DEPDC5: variants seen among roughly 807,000 people sequenced by gnomAD.
DEPDC5 encodes DEP domain containing 5, GATOR1 subcomplex subunit.
Under a neutral mutation model 217.3 loss-of-function variants are expected in DEPDC5, and 73 were observed. That is an observed-to-expected ratio of 0.34 (90% confidence interval 0.28 to 0.41). The LOEUF is 0.41. DEPDC5 is among the 10% of genes least tolerant of loss of function. The pLI, the probability that DEPDC5 is intolerant of heterozygous loss-of-function variation, is 1.00. For synonymous variants in DEPDC5, 733 were observed against 756.7 expected (o/e 0.97, Z 0.51); for missense variants, 1,675 against 2,070.1 (o/e 0.81, Z 3.70).
chr22:31,846,598 C>A (rs2149035952), intron 30 of DEPDC5, among the ~76,000 whole-genome samples: 1 of 152,270 alleles, frequency 6.6e-6, no homozygotes, highest in East Asian at 1.9e-4. Flanking sequence ...CATCATAGAT[C>A]TGTGGTGAGG....
intron 21 of DEPDC5, chr22:31,815,574 G>A (rs909192420): frequency 1.6e-6 from 1 of 616,684 alleles, no homozygotes; most frequent in Non-Finnish European, 2.8e-6. Context: ...TTGTAGAGGT[G>A]GGGAAGTGCA....
At chr22:31,785,709 C>T (rs1201012559) in intron 10 of DEPDC5, among the ~76,000 whole-genome samples, 1 of 151,592 alleles carries the variant, frequency 6.6e-6, no homozygotes, top group African/African-American at 2.4e-5. Flanking sequence ...TCAAAACTTA[C>T]TAAAACCCTC....
At position 31,804,238 on chromosome 22, in the gene DEPDC5, G is replaced by T. The variant is rs759365607; in HGVS notation, c.1143+15G>T. 2 of 1,613,992 alleles carry T rather than the reference G, an allele frequency of 1.2e-6. No homozygotes were observed. The highest frequency in any genetic ancestry group is 1.7e-6 in the Non-Finnish European group (2 of 1,179,934). ...CATTGTTCAAGGTAATTAGATTTCG[G>T]ATTTGTTTACTAAAGGCCAGTTGGA... On this transcript the variant is annotated intron_variant, in intron 16 of 42. Coordinates refer to ENST00000651528, the MANE Select transcript of DEPDC5 (RefSeq NM_001242896.3).
intron 34 of DEPDC5, 86 bp from the exon 35 acceptor site, chr22:31,873,169 T>A: frequency 1.2e-6 from 2 of 1,607,190 alleles, no homozygotes; most frequent in African/African-American, 1.3e-5. Flanking sequence ...TCTGGCTCCA[T>A]AGGAAGTGGA....
chr22:31,820,962 C>T lies in DEPDC5; in HGVS notation c.1871-540C>T, dbSNP rs77468189. 3.3e-3 allele frequency among the ~76,000 whole-genome samples: 510 copies of T among 152,294 alleles called. 2 individuals carry two copies. The highest frequency in any genetic ancestry group is 0.012 in the African/African-American group (496 of 41,562). On this transcript the variant is annotated intron_variant, in intron 22 of 42. Transcript: ENST00000651528. ...AGGTATCATTTCATCTACCCAGATG[C>T]CCTCTTCCTTCAATCGCTGTTAACT...
intron 14 of DEPDC5, among the ~76,000 whole-genome samples, chr22:31,799,880 G>C (rs1195570832): frequency 7.7e-6 from 1 of 130,262 alleles, no homozygotes; most frequent in Non-Finnish European, 1.5e-5. Flanking sequence ...TGATCTCCCT[G>C]CTCAGTGCAA....
intron 36 of DEPDC5, among the ~76,000 whole-genome samples, chr22:31,874,657 A>G (rs1433444798): frequency 1.3e-5 from 2 of 152,230 alleles, no homozygotes; most frequent in Admixed American, 1.3e-4. Flanking sequence ...CTGTGCATTT[A>G]TAAACCTCAG....
At chr22:31,808,042 G>T (rs2087763910) in intron 18 of DEPDC5, among the ~76,000 whole-genome samples, 1 of 152,076 alleles carries the variant, frequency 6.6e-6, no homozygotes, top group Non-Finnish European at 1.5e-5. Context: ...GGCCTCTCTT[G>T]CCTTCACCAC....
Position 31,834,748 on chromosome 22 carries a change from C to T in DEPDC5, c.2170+768C>T, listed in dbSNP as rs529501367. Among the ~76,000 whole-genome samples, 365 of 152,170 alleles carry T rather than the reference C, an allele frequency of 2.4e-3. 1 individual carries two copies. The highest frequency in any genetic ancestry group is 3.6e-3 in the Non-Finnish European group (243 of 67,984). Reference sequence around the variant, plus strand: ...GTTAGGCTGGTCTCAAACTCCTAACCTCGTGATCCTGACCTCGTGATCCGC... The same window carrying T: ...GTTAGGCTGGTCTCAAACTCCTAACTTCGTGATCCTGACCTCGTGATCCGC... On this transcript the variant is annotated intron_variant, in intron 25 of 42. Transcript: ENST00000651528.
At chr22:31,863,550 G>T (rs2092586525) in intron 33 of DEPDC5, among the ~76,000 whole-genome samples, 1 of 152,124 alleles carries the variant, frequency 6.6e-6, no homozygotes, top group South Asian at 2.1e-4. Flanking sequence ...TTACCCACCA[G>T]GTGTTTTGTT....
At chr22:31,775,812 C>A (rs1044076791) in intron 7 of DEPDC5, among the ~76,000 whole-genome samples, 2 of 151,834 alleles carry the variant, frequency 1.3e-5, no homozygotes, top group Admixed American at 6.6e-5. Flanking sequence ...GAGGCCAAGG[C>A]GGGCGGATCA....
intron 18 of DEPDC5, among the ~76,000 whole-genome samples, chr22:31,806,463 A>G (rs2087553060): frequency 6.6e-6 from 1 of 152,270 alleles, no homozygotes; most frequent in Non-Finnish European, 1.5e-5. Flanking sequence ...CAAACTTTAT[A>G]ACTTTATACA....
At position 31,906,057 on chromosome 22, in the gene DEPDC5, C is replaced by T. The variant is rs1251402976; in HGVS notation, c.4510C>T (p.His1504Tyr). Residue 1504 changes from histidine to tyrosine, a missense_variant, in exon 42 of 43, where the codon CAC becomes TAC. Coordinates refer to ENST00000651528, the MANE Select transcript of DEPDC5 (RefSeq NM_001242896.3). The surrounding 1 kb of genome is among the most constrained non-coding windows in gnomAD (Gnocchi z 5.1). The part of the protein sequence containing the change: ...FPAENKPQYI[H>Y]VTGTVFLQLP... ...TGCTGAGAACAAGCCTCAGTATATC[C>T]ACGTTACAGGTGAGGAGCTACGGGC... 1 of 1,614,158 alleles carries T rather than the reference C, an allele frequency of 6.2e-7. No homozygotes were observed. Among genetic ancestry groups the T allele is most frequent in the Non-Finnish European group, 8.5e-7 (1 of 1,180,026 alleles).
At chr22:31,846,182 C>T (rs2091726147) in intron 30 of DEPDC5, among the ~76,000 whole-genome samples, 1 of 152,122 alleles carries the variant, frequency 6.6e-6, no homozygotes, top group African/African-American at 2.4e-5. Flanking sequence ...TGTTCCTTAT[C>T]ACTGTACTTT....
intron 25 of DEPDC5, among the ~76,000 whole-genome samples, chr22:31,835,773 G>A (rs2090947860): frequency 6.6e-6 from 1 of 152,194 alleles, no homozygotes; most frequent in African/African-American, 2.4e-5. Flanking sequence ...TTATTAATGA[G>A]TTTATAAGGC....
chr22:31,849,638 G>A (rs888206025), intron 31 of DEPDC5, among the ~76,000 whole-genome samples: 4 of 151,978 alleles, frequency 2.6e-5, no homozygotes, highest in African/African-American at 4.8e-5. Context: ...AAAATTAGCC[G>A]GGCATGGTGG....
intron 23 of DEPDC5, 79 bp downstream of exon 23, chr22:31,821,716 T>A: frequency 1.3e-6 from 2 of 1,555,848 alleles, no homozygotes; most frequent in East Asian, 2.3e-5. Context: ...AACAGACTAT[T>A]GACAAAATGT....
chr22:31,798,477 T>G, intron 13 of DEPDC5, 105 bp from the exon 14 acceptor site: 1 of 914,094 alleles, frequency 1.1e-6, no homozygotes, highest in Non-Finnish European at 1.6e-6. Flanking sequence ...AAGATTGTGC[T>G]GCTCCACTCC....
At chr22:31,819,278 C>T (rs1473046054) in intron 22 of DEPDC5, 53 bp downstream of exon 22, 1 of 1,594,808 alleles carries the variant, frequency 6.3e-7, no homozygotes, top group Non-Finnish European at 8.6e-7. Context: ...TAGCCCTGGT[C>T]CTCAGTGTCG....
Sources: allele counts gnomAD v4.1 joint callset (sites outside exome capture counted in the v4.1 genomes callset), GRCh38; gene constraint gnomAD v4.1.1; non-coding constraint Gnocchi (gnomAD v3.1); transcripts MANE v1.5; gene names NCBI Gene and HGNC (gene_info 2026-07-23, HGNC 2026-07-21).